RDH12: variants seen among roughly 807,000 people sequenced by gnomAD.
RDH12 encodes the protein all-trans and 9-cis retinol dehydrogenase.
A neutral mutation model predicts 34.0 loss-of-function variants in RDH12; 21 were observed. That is an observed-to-expected ratio of 0.62 (90% confidence interval 0.44 to 0.89). The LOEUF is 0.89. Ranked by LOEUF, RDH12 falls within the 40% of genes least tolerant of loss-of-function variation. The probability of loss-of-function intolerance (pLI) is 0.00; values close to 1 mark genes in which losing one functional copy is unlikely to be tolerated. For missense variants in RDH12, 394 were observed against 398.6 expected (o/e 0.99, Z 0.10); for synonymous variants, 198 against 169.9 (o/e 1.17, Z -1.29).
chr14:67,718,506 C>T (rs2038090883), intron 1 of RDH12, among the ~76,000 whole-genome samples: 1 of 152,216 alleles, frequency 6.6e-6, no homozygotes, highest in South Asian at 2.1e-4. Flanking sequence ...CTCCACACAT[C>T]CCTGCCTCAG....
chr14:67,727,973 T>A (rs2140147645), intron 7 of RDH12: 1 of 152,434 alleles, frequency 6.6e-6, no homozygotes. Context: ...GACCCCTGGG[T>A]CCAAGTTCTT....
At chr14:67,716,834 C>CT (rs901712438) in intron 1 of RDH12, among the ~76,000 whole-genome samples, 4 of 150,334 alleles carry the variant, frequency 2.7e-5, no homozygotes, top group African/African-American at 9.8e-5. Context: ...CAGTGAGCCG[C>CT]TATCACACCA....
Position 67,725,380 on chromosome 14 carries a change from G to T in RDH12, c.343+126G>T, listed in dbSNP as rs1318964355. On this transcript the variant is annotated intron_variant, in intron 5 of 8. Transcript: ENST00000551171. ...CCCCACTAGACAGGTTCTGCCACAT[G>T]AACCAGCAGGACAGGGAATTGGCAA... 8 of 964,400 alleles carry T rather than the reference G, an allele frequency of 8.3e-6. 1 individual carries two copies. Among genetic ancestry groups the T allele is most frequent in the Non-Finnish European group, 1.3e-5 (8 of 615,314 alleles). The allele number at this position is 964,400 out of a possible 1,614,324, so 59.7% of individuals were successfully genotyped here. A position where few individuals can be genotyped will look rare whatever the true frequency, so the allele number is the denominator to read the frequency against.
In RDH12 at chr14:67,722,579, A is replaced by C. The variant is rs984183731; in HGVS notation, c.-64A>C. 7.1e-7 allele frequency: 1 copy of C among 1,400,566 alleles called. No homozygotes were observed. Among genetic ancestry groups the C allele is most frequent in the African/African-American group, 1.4e-5 (1 of 70,798 alleles). 86.8% of individuals were successfully genotyped at this position (1,400,566 alleles called of 1,614,324 possible). A position where few individuals can be genotyped will look rare whatever the true frequency, so the allele number is the denominator to read the frequency against. The stretch of plus-strand genomic sequence containing the variant: ...GAGCTGGAGCCAGACCAGGAACCTG[A>C]GCCAGAGCTGGGGTTGAAGCTGGAG... On this transcript the variant is annotated 5_prime_UTR_variant, in exon 3 of 9. Coordinates refer to ENST00000551171, the MANE Select transcript of RDH12 (RefSeq NM_152443.3).
chr14:67,721,634 C>G (rs12431676), intron 2 of RDH12, among the ~76,000 whole-genome samples: 14,529 of 151,876 alleles, frequency 0.096, 1,095 homozygotes, highest in East Asian at 0.34. Flanking sequence ...AAGGGAGATA[C>G]GAATCAGAAC....
chr14:67,717,542 T>C (rs185028761), intron 1 of RDH12, among the ~76,000 whole-genome samples: 3 of 152,348 alleles, frequency 2.0e-5, no homozygotes, highest in Non-Finnish European at 4.4e-5. Flanking sequence ...TCCTTTTCAA[T>C]ACTACATACA....
At chr14:67,729,454 C>A in intron 8 of RDH12, 74 bp downstream of exon 8, 1 of 1,431,136 alleles carries the variant, frequency 7.0e-7, no homozygotes, top group Non-Finnish European at 9.7e-7. Context: ...GCTGTTCATC[C>A]TGAGAAGCTG....
chr14:67,705,964 G>T (rs1355334116), intron 1 of RDH12: 1 of 152,248 alleles, frequency 6.6e-6, no homozygotes, highest in African/African-American at 2.4e-5. Flanking sequence ...ATCAGGTGCA[G>T]TGGCATGTGC....
intron 1 of RDH12, among the ~76,000 whole-genome samples, chr14:67,704,879 T>C (rs1006357817): frequency 5.3e-5 from 8 of 152,334 alleles, no homozygotes; most frequent in African/African-American, 1.9e-4. Context: ...AGGAACTTCA[T>C]TGATTTCAGG....
intron 1 of RDH12, among the ~76,000 whole-genome samples, chr14:67,702,717 G>GGT (rs2037912072): frequency 6.6e-6 from 1 of 151,702 alleles, no homozygotes; most frequent in African/African-American, 2.4e-5. Flanking sequence ...AAGTCAATTG[G>GGT]GTATCATGTA....
Position 67,722,405 on chromosome 14 carries a change from T to C in RDH12, c.-219-19T>C. 1 of 596,440 alleles carries C rather than the reference T, an allele frequency of 1.7e-6. No individual in the cohort carries two copies. The highest frequency in any genetic ancestry group is 3.0e-6 in the Non-Finnish European group (1 of 333,984). 36.9% of individuals were successfully genotyped at this position (596,440 alleles called of 1,614,324 possible). Reference sequence around the variant, plus strand: ...ACCTAAGTAAGCTTCAAACCTTGACTCCATCCCCTCCCCACCAGGACTACA... The same window carrying C: ...ACCTAAGTAAGCTTCAAACCTTGACCCCATCCCCTCCCCACCAGGACTACA... On this transcript the variant is annotated intron_variant, in intron 2 of 8. Coordinates refer to ENST00000551171, the MANE Select transcript of RDH12 (RefSeq NM_152443.3).
rs117292229 is a variant in RDH12 at position 67,730,156 on chromosome 14, C to T, written c.848+776C>T. 4.4e-3 allele frequency among the ~76,000 whole-genome samples: 670 copies of T among 152,298 alleles called. 34 individuals carry two copies. In the East Asian group the frequency reaches 0.1, roughly 23 times the overall value. On this transcript the variant is annotated intron_variant, in intron 8 of 8. Coordinates refer to ENST00000551171, the MANE Select transcript of RDH12 (RefSeq NM_152443.3). ...ATATAATCATCACAACCCTGCGAGG[C>T]AGGTAATATTACCCCAAGTTTTCAC...
intron 3 of RDH12, among the ~76,000 whole-genome samples, chr14:67,723,479 C>T (rs571422933): frequency 5.3e-5 from 8 of 152,296 alleles, no homozygotes; most frequent in Non-Finnish European, 1.2e-4. Context: ...AAGCGACCAT[C>T]CCACGTTGGC....
chr14:67,708,169 C>T (rs988161165), intron 1 of RDH12, among the ~76,000 whole-genome samples: 1 of 152,086 alleles, frequency 6.6e-6, no homozygotes, highest in African/African-American at 2.4e-5. Flanking sequence ...ATACTTTAGT[C>T]AATTGCTAAA....
chr14:67,702,848 C>G (rs2037914001), intron 1 of RDH12, among the ~76,000 whole-genome samples: 1 of 152,194 alleles, frequency 6.6e-6, no homozygotes, highest in South Asian at 2.1e-4. Flanking sequence ...GGGCCTCACT[C>G]TGTTGCCCAG....
In RDH12 at chr14:67,729,293, T is replaced by A; in HGVS notation, c.761T>A (p.Phe254Tyr). The change falls in exon 8 of 9, where the codon TTT (phenylalanine) becomes TAT (tyrosine). Residue 254 changes from phenylalanine to tyrosine, a missense_variant. Transcript: ENST00000551171. ...LCLLWRLFSP[F>Y]VKTAREGAQT... ...CTGCTCTGGCGGCTCTTCTCCCCCT[T>A]TGTCAAGACGGCACGGGAGGGGGCG... 1 of 1,603,892 alleles carries A rather than the reference T, an allele frequency of 6.2e-7. No individual in the cohort carries two copies. Among genetic ancestry groups the A allele is most frequent in the Non-Finnish European group, 8.5e-7 (1 of 1,179,926 alleles).
At chr14:67,712,600 A>G (rs1192815895) in intron 1 of RDH12, among the ~76,000 whole-genome samples, 5 of 151,954 alleles carry the variant, frequency 3.3e-5, no homozygotes, top group Admixed American at 3.3e-4. Context: ...TTAGCTTTTA[A>G]TTAAGCTGAC....
At chr14:67,702,820 G>T (rs1438737264) in intron 1 of RDH12, among the ~76,000 whole-genome samples, 7 of 151,820 alleles carry the variant, frequency 4.6e-5, no homozygotes, top group South Asian at 2.1e-4. Context: ...TTTATTTTTT[G>T]ATTTGTCTTT....
chr14:67,734,404 C>T lies in RDH12; in HGVS notation c.*556C>T, dbSNP rs752589582. 1 of 155,012 alleles carries T rather than the reference C, an allele frequency of 6.5e-6. No homozygotes were observed. Among genetic ancestry groups the T allele is most frequent in the Non-Finnish European group, 1.4e-5 (1 of 69,864 alleles). The allele number at this position is 155,012 out of a possible 1,614,324, so 9.6% of individuals were successfully genotyped here. On this transcript the variant is annotated 3_prime_UTR_variant, in exon 9 of 9. Coordinates refer to ENST00000551171, the MANE Select transcript of RDH12 (RefSeq NM_152443.3). ...AGATGGTTTCTTTTTGTAAAGAGTT[C>T]CGTTTGCCTTTCAATTTTTAGAGAA...
Sources: allele counts gnomAD v4.1 joint callset (sites outside exome capture counted in the v4.1 genomes callset), GRCh38; gene constraint gnomAD v4.1.1; transcripts MANE v1.5; gene names NCBI Gene and HGNC (gene_info 2026-07-23, HGNC 2026-07-21).